The following ATP6V1E1 variants were observed in gnomAD, a reference collection of about 807,000 sequenced individuals.
ATP6V1E1 encodes V-type proton ATPase subunit E 1.
ATP6V1E1 carries 21 observed loss-of-function variants against 35.2 expected under a neutral mutation model. That is an observed-to-expected ratio of 0.60 (90% CI 0.42 to 0.86). The LOEUF (loss-of-function observed/expected upper bound fraction) is 0.86, where lower values mean the gene tolerates loss of function less well. Ranked by LOEUF, ATP6V1E1 falls within the 40% of genes least tolerant of loss-of-function variation. The pLI, the probability that ATP6V1E1 is intolerant of heterozygous loss-of-function variation, is 0.00. For synonymous variants in ATP6V1E1, 83 were observed against 87.8 expected, an observed-to-expected ratio of 0.95 and a Z score of 0.30; for missense variants, 183 against 272.6, an observed-to-expected ratio of 0.67 and a Z score of 2.32.
intron 7 of ATP6V1E1, chr22:17,595,020 A>G (rs1228530668): frequency 6.5e-6 from 1 of 153,020 alleles, no homozygotes; most frequent in Admixed American, 6.5e-5. Context: ...ATTCATCTCA[A>G]TAACTGTCAT....
intron 4 of ATP6V1E1, among the ~76,000 whole-genome samples, chr22:17,601,557 C>T (rs1238545236): frequency 1.3e-5 from 2 of 152,184 alleles, no homozygotes; most frequent in South Asian, 4.1e-4. Context: ...GGCTATGGAT[C>T]GAAATACGAA....
At chr22:17,622,563 G>C (rs1460171225) in intron 1 of ATP6V1E1, among the ~76,000 whole-genome samples, 1 of 152,092 alleles carries the variant, frequency 6.6e-6, no homozygotes, top group African/African-American at 2.4e-5. Flanking sequence ...TGGGTTGATG[G>C]GTGCAGCAAA....
chr22:17,602,391 C>T (rs36023351), intron 4 of ATP6V1E1, among the ~76,000 whole-genome samples: 38,151 of 130,740 alleles, frequency 0.29, 4,945 homozygotes, highest in African/African-American at 0.34. Context: ...TTTTTTTTTT[C>T]TTTGAGACAG....
rs1304323552 is a variant in ATP6V1E1, at chr22:17,601,179, G to A, written c.279C>T (p.Asp93=). 1 of 1,612,154 alleles carries A rather than the reference G, an allele frequency of 6.2e-7. No individual in the cohort carries two copies. Among genetic ancestry groups the A allele is most frequent in the Non-Finnish European group, 8.5e-7 (1 of 1,178,860 alleles). ...VLRARDDLIT[D]LLNEAKQRLS... ...GTCTCTGTTTTGCTTCATTTAGTAG[G>A]TCCTACAAAGATTAGAAAAGATAAA... The change falls in exon 5 of 9, where the codon GAC becomes GAT. Residue 93 remains aspartate, a splice_region_variant and synonymous_variant. Transcript: ENST00000253413.
intron 4 of ATP6V1E1, among the ~76,000 whole-genome samples, chr22:17,607,973 G>A (rs1246411920): frequency 2.0e-5 from 3 of 152,098 alleles, no homozygotes; most frequent in Non-Finnish European, 4.4e-5. Context: ...CACTCTGCCA[G>A]ACTACCTCTG....
intron 1 of ATP6V1E1, among the ~76,000 whole-genome samples, chr22:17,625,864 C>T (rs1156780643): frequency 6.8e-6 from 1 of 147,094 alleles, no homozygotes; most frequent in Non-Finnish European, 1.5e-5. Context: ...AGGTATGGCA[C>T]TTAAAAAAAA....
chr22:17,601,843 G>GCA (rs2057763582), intron 4 of ATP6V1E1, among the ~76,000 whole-genome samples: 1 of 152,196 alleles, frequency 6.6e-6, no homozygotes, highest in Non-Finnish European at 1.5e-5. Flanking sequence ...CTGACCTCAG[G>GCA]TGATCCGCCT....
At chr22:17,606,030 C>T (rs150038548) in intron 4 of ATP6V1E1, among the ~76,000 whole-genome samples, 54 of 152,132 alleles carry the variant, frequency 3.5e-4, no homozygotes, top group African/African-American at 1.3e-3. Context: ...GCCTACTGAG[C>T]AGCTGGGAAT....
intron 1 of ATP6V1E1, among the ~76,000 whole-genome samples, chr22:17,625,625 T>C (rs966240818): frequency 6.6e-6 from 1 of 152,140 alleles, no homozygotes; most frequent in African/African-American, 2.4e-5. Context: ...TGAGTGTGCT[T>C]TAGTAAGAGA....
chr22:17,628,775 G>A (rs1400231895), upstream of ATP6V1E1: 1 of 1,131,458 alleles, frequency 8.8e-7, no homozygotes, highest in Non-Finnish European at 1.3e-6. Context: ...TTCCTGCCAG[G>A]TGACTGCACA....
At chr22:17,623,870 T>A (rs1487811487) in intron 1 of ATP6V1E1, among the ~76,000 whole-genome samples, 1 of 152,084 alleles carries the variant, frequency 6.6e-6, no homozygotes, top group African/African-American at 2.4e-5. Flanking sequence ...CTATTTACAG[T>A]TAACATGATC....
intron 7 of ATP6V1E1, among the ~76,000 whole-genome samples, chr22:17,596,083 G>C (rs1181580362): frequency 1.3e-5 from 2 of 152,060 alleles, no homozygotes; most frequent in Non-Finnish European, 2.9e-5. Flanking sequence ...AGTGAGCCGA[G>C]GTCGTGCCAC....
At chr22:17,600,669 A>T (rs1569203491) in intron 5 of ATP6V1E1, 2 of 155,184 alleles carry the variant, frequency 1.3e-5, no homozygotes, top group African/African-American at 4.8e-5. Context: ...CTGAGGACAA[A>T]TATTATTGTA....
intron 4 of ATP6V1E1, among the ~76,000 whole-genome samples, chr22:17,612,017 G>A (rs1327298676): frequency 1.3e-5 from 2 of 152,050 alleles, no homozygotes; most frequent in Non-Finnish European, 1.5e-5. Context: ...GGTTATTGTT[G>A]GCATACAGGA....
intron 1 of ATP6V1E1, among the ~76,000 whole-genome samples, chr22:17,626,761 C>T (rs947338495): frequency 5.9e-5 from 9 of 152,054 alleles, no homozygotes; most frequent in African/African-American, 1.5e-4. Context: ...AACTCCTGAC[C>T]GCAGGTGATA....
chr22:17,620,178 C>T (rs1332751980), intron 1 of ATP6V1E1, among the ~76,000 whole-genome samples: 12 of 148,524 alleles, frequency 8.1e-5, no homozygotes, highest in African/African-American at 2.5e-4. Flanking sequence ...GACAGAGTCT[C>T]GCTCTGCCAC....
intron 1 of ATP6V1E1, among the ~76,000 whole-genome samples, chr22:17,621,436 T>C (rs980675152): frequency 1.3e-5 from 2 of 152,122 alleles, no homozygotes; most frequent in Admixed American, 6.6e-5. Flanking sequence ...GCTGGGACCA[T>C]AGGTGCGTGT....
In ATP6V1E1 at chr22:17,614,156, G is replaced by A. The variant is rs557994077; in HGVS notation, c.100-836C>T. Among the ~76,000 whole-genome samples the A allele has an allele frequency of 1.6e-4, 25 of 152,184 alleles. 1 individual carries two copies. In the South Asian group the frequency reaches 4.8e-3, roughly 29 times the overall value. On this transcript the variant is annotated intron_variant, in intron 2 of 8. Coordinates refer to ENST00000253413, the MANE Select transcript of ATP6V1E1 (RefSeq NM_001696.4). ...ACCTAAGGTCAGGAGTTTGAGATCG[G>A]CCTGATCAACATAGAGAAACCTCGT...
chr22:17,628,688 G>T lies in ATP6V1E1; in HGVS notation c.-53C>A. ...AGTAGGCTCGAGTTTAGGTTTGAAA[G>T]GTGAGGTGAGAGAAATCGGCAAAGG... On this transcript the variant is annotated 5_prime_UTR_variant, in exon 1 of 9. Transcript: ENST00000253413. 1.2e-6 allele frequency: 2 copies of T among 1,612,092 alleles called. No homozygotes were observed. Among genetic ancestry groups the T allele is most frequent in the Non-Finnish European group, 1.7e-6 (2 of 1,178,274 alleles).
Sources: gnomAD v4.1 joint callset for allele counts (sites outside exome capture counted in the v4.1 genomes callset) on GRCh38, gnomAD v4.1.1 for gene constraint, MANE v1.5 for transcripts, NCBI Gene and HGNC (gene_info 2026-07-23, HGNC 2026-07-21) for gene names.